Variants in TRDN observed in about 807,000 individuals in gnomAD.
TRDN encodes the protein triadin in skeletal muscle.
Under a neutral mutation model 149.7 loss-of-function variants are expected in TRDN, and 161 were observed. The observed-to-expected ratio is 1.08, with a 90% CI of 0.95 to 1.23. TRDN has a LOEUF of 1.23. Ranked by LOEUF, TRDN falls within the 50% of genes most tolerant of loss-of-function variation. TRDN has a pLI of 0.00. For missense variants in TRDN, 896 were observed against 823.5 expected (o/e 1.09, Z -1.08); for synonymous variants, 294 against 250.5 (o/e 1.17, Z -1.64).
At chr6:123,303,858 A>G (rs1778513360) in intron 24 of TRDN, among the ~76,000 whole-genome samples, 1 of 152,208 alleles carries the variant, frequency 6.6e-6, no homozygotes, top group Non-Finnish European at 1.5e-5. Flanking sequence ...GAAAATGTAA[A>G]CAAGATAATA....
At chr6:123,525,301 C>A (rs868430819) in intron 5 of TRDN, among the ~76,000 whole-genome samples, 1 of 151,996 alleles carries the variant, frequency 6.6e-6, no homozygotes, top group South Asian at 2.1e-4. Flanking sequence ...TGGAACCAAA[C>A]ATAAGTGTCC....
intron 20 of TRDN, among the ~76,000 whole-genome samples, chr6:123,357,896 G>A (rs768479305): frequency 6.6e-5 from 10 of 152,020 alleles, no homozygotes; most frequent in Non-Finnish European, 1.5e-4. Flanking sequence ...GTTTTTTGTT[G>A]CTCAGAAAAG....
intron 20 of TRDN, among the ~76,000 whole-genome samples, chr6:123,355,037 C>A (rs1004272279): frequency 8.6e-5 from 13 of 151,714 alleles, no homozygotes; most frequent in Admixed American, 3.3e-4. Flanking sequence ...CCTAATAATG[C>A]CACATGCTTT....
At chr6:123,349,677 AAC>A in intron 21 of TRDN, 1 of 965,118 alleles carries the variant, frequency 1.0e-6, no homozygotes, top group South Asian at 4.8e-5. Context: ...AAGAAATATG[AAC>A]ATTCATTATA....
At chr6:123,495,172 C>T (rs1778393881) in intron 9 of TRDN, among the ~76,000 whole-genome samples, 1 of 152,132 alleles carries the variant, frequency 6.6e-6, no homozygotes, top group South Asian at 2.1e-4. Flanking sequence ...TCCCACCTCA[C>T]CCTACCAAGT....
chr6:123,498,826 C>T (rs925628523), intron 8 of TRDN, among the ~76,000 whole-genome samples: 1 of 152,120 alleles, frequency 6.6e-6, no homozygotes, highest in Non-Finnish European at 1.5e-5. Flanking sequence ...TTTCTGAAAT[C>T]GGCAGTATGT....
chr6:123,593,941 G>A (rs1011331732), intron 1 of TRDN, among the ~76,000 whole-genome samples: 21 of 152,110 alleles, frequency 1.4e-4, no homozygotes, highest in Admixed American at 2.6e-4. Context: ...TGATTAAATT[G>A]TAGAGGAAAT....
chr6:123,408,142 A>G (rs1263596408), intron 12 of TRDN, among the ~76,000 whole-genome samples: 1 of 152,186 alleles, frequency 6.6e-6, no homozygotes, highest in Non-Finnish European at 1.5e-5. Flanking sequence ...GAATGAATGC[A>G]TTGAAAATGC....
At chr6:123,513,412 T>TA (rs2114862317) in intron 6 of TRDN, among the ~76,000 whole-genome samples, 1 of 152,290 alleles carries the variant, frequency 6.6e-6, no homozygotes, top group East Asian at 1.9e-4. Flanking sequence ...CTGCAGCACT[T>TA]ATAATTTAAG....
At chr6:123,311,549 T>C (rs752651981) in intron 24 of TRDN, among the ~76,000 whole-genome samples, 6 of 149,988 alleles carry the variant, frequency 4.0e-5, no homozygotes, top group Non-Finnish European at 7.4e-5. Flanking sequence ...CTCTCTTGAG[T>C]TCTACACCTA....
intron 20 of TRDN, among the ~76,000 whole-genome samples, chr6:123,359,727 G>C (rs1200115974): frequency 6.6e-6 from 1 of 152,094 alleles, no homozygotes; most frequent in Non-Finnish European, 1.5e-5. Flanking sequence ...ACAGAGCCTC[G>C]CTCTGTCGCC....
intron 2 of TRDN, among the ~76,000 whole-genome samples, chr6:123,552,331 C>A (rs1781441227): frequency 6.6e-6 from 1 of 152,038 alleles, no homozygotes; most frequent in East Asian, 1.9e-4. Flanking sequence ...CTAAACTATG[C>A]GTGTACTTAA....
intron 14 of TRDN, among the ~76,000 whole-genome samples, chr6:123,386,127 G>A (rs1265865348): frequency 1.3e-5 from 2 of 152,042 alleles, no homozygotes; most frequent in Non-Finnish European, 2.9e-5. Flanking sequence ...AATTGGACAT[G>A]GTCCCTTAAG....
chr6:123,330,409 C>A lies in TRDN; in HGVS notation c.1471+1470G>T, dbSNP rs145162223. ...TCTCAATTAATTTAAACTTTGAATA[C>A]TAAAATGTAGCACGATTTATCTGCC... On this transcript the variant is annotated intron_variant, in intron 23 of 40. Coordinates refer to ENST00000334268, the MANE Select transcript of TRDN (RefSeq NM_006073.4). 2.1e-3 allele frequency among the ~76,000 whole-genome samples: 313 copies of A among 151,988 alleles called. 1 individual carries two copies. Among genetic ancestry groups the A allele is most frequent in the African/African-American group, 7.3e-3 (301 of 41,496 alleles).
chr6:123,352,179 T>C, intron 21 of TRDN: 7 of 984,942 alleles, frequency 7.1e-6, no homozygotes, highest in Non-Finnish European at 8.4e-6. Context: ...CCATCTTTAT[T>C]TTTCAAATTA....
At chr6:123,510,526 C>G (rs1361923558) in intron 7 of TRDN, among the ~76,000 whole-genome samples, 1 of 151,656 alleles carries the variant, frequency 6.6e-6, no homozygotes, top group Non-Finnish European at 1.5e-5. Flanking sequence ...ATTCAATATG[C>G]CAAAATATCT....
intron 21 of TRDN, chr6:123,351,024 G>C (rs1053514625): frequency 4.5e-5 from 44 of 971,090 alleles, no homozygotes; most frequent in Non-Finnish European, 5.1e-5. Context: ...TTGTCTGTTT[G>C]GTACTATTAT....
chr6:123,372,236 C>G (rs1781352540), intron 19 of TRDN, among the ~76,000 whole-genome samples: 1 of 152,006 alleles, frequency 6.6e-6, no homozygotes, highest in African/African-American at 2.4e-5. Context: ...ACATACATAG[C>G]TGAATAAATT....
chr6:123,280,937 A>G (rs563041711), intron 24 of TRDN, among the ~76,000 whole-genome samples: 2 of 152,114 alleles, frequency 1.3e-5, no homozygotes, highest in Non-Finnish European at 2.9e-5. Context: ...ATAGGCTCTC[A>G]TTCTTTTTTT....
Sources: allele counts gnomAD v4.1 joint callset (sites outside exome capture counted in the v4.1 genomes callset), GRCh38; gene constraint gnomAD v4.1.1; transcripts MANE v1.5; gene names NCBI Gene and HGNC (gene_info 2026-07-23, HGNC 2026-07-21).